The following TENT2 variants were observed in gnomAD, a reference collection of about 807,000 sequenced individuals.
TENT2 encodes poly(A) RNA polymerase GLD2.
A neutral mutation model predicts 72.2 loss-of-function variants in TENT2; 44 were observed. That is an observed-to-expected ratio of 0.61 (90% confidence interval 0.48 to 0.78). The LOEUF (loss-of-function observed/expected upper bound fraction) is 0.78, where lower values mean the gene tolerates loss of function less well. Among genes scored for constraint, TENT2 ranks in the 30% least tolerant of loss-of-function variants. The pLI is 0.00. For missense variants in TENT2, 541 were observed against 569.6 expected, an observed-to-expected ratio of 0.95 and a Z score of 0.51; for synonymous variants, 212 against 192.5, an observed-to-expected ratio of 1.10 and a Z score of -0.84.
chr5:79,666,802 C>T (rs1808471370), intron 11 of TENT2, among the ~76,000 whole-genome samples: 1 of 152,076 alleles, frequency 6.6e-6, no homozygotes, highest in Non-Finnish European at 1.5e-5. Context: ...CTTAATTGTC[C>T]AAAGATTGAT....
chr5:79,676,818 AATTATT>A, intron 12 of TENT2, among the ~76,000 whole-genome samples: 1 of 152,102 alleles, frequency 6.6e-6, no homozygotes, highest in East Asian at 1.9e-4. Context: ...TTTACACTTT[AATTATT>A]GAGTGACGAT....
At chr5:79,659,593 T>TATATATAA (rs1348206904) in intron 11 of TENT2, among the ~76,000 whole-genome samples, 7 of 121,848 alleles carry the variant, frequency 5.7e-5, no homozygotes, top group Non-Finnish European at 1.0e-4. Context: ...TATATATATA[T>TATATATAA]AATAGCCATC....
chr5:79,667,907 T>C lies in TENT2; in HGVS notation c.1072-985T>C, dbSNP rs970138742. Among the ~76,000 whole-genome samples, 26 of 151,578 alleles carry C rather than the reference T, an allele frequency of 1.7e-4. No individual in the cohort carries two copies. In the South Asian group the frequency reaches 2.5e-3, roughly 15 times the overall value. ...GGGTTTGGAATCTTAACCGTAGTTG[T>C]CATTCTGCTGCCTTAACTAATTGCT... On this transcript the variant is annotated intron_variant, in intron 11 of 14. Transcript: ENST00000453514.
chr5:79,637,817 T>C (rs1781327458), intron 4 of TENT2, among the ~76,000 whole-genome samples: 1 of 142,584 alleles, frequency 7.0e-6, no homozygotes, highest in Non-Finnish European at 1.5e-5. Flanking sequence ...TTTTTTTTTG[T>C]GACGGAGTCG....
intron 8 of TENT2, among the ~76,000 whole-genome samples, chr5:79,645,473 T>C (rs1056644494): frequency 3.3e-5 from 5 of 152,128 alleles, no homozygotes; most frequent in Admixed American, 2.0e-4. Flanking sequence ...TCTTGCCTTT[T>C]GGAAGTGTAA....
At chr5:79,649,037 T>C (rs1325312754) in intron 9 of TENT2, 25 bp from the exon 10 acceptor site, 4 of 1,609,078 alleles carry the variant, frequency 2.5e-6, no homozygotes, top group Non-Finnish European at 3.4e-6. Context: ...TCTCTTACCA[T>C]GTTAAGTTTT....
intron 11 of TENT2, among the ~76,000 whole-genome samples, chr5:79,662,816 C>T (rs1435554949): frequency 6.6e-6 from 1 of 152,180 alleles, no homozygotes; most frequent in Non-Finnish European, 1.5e-5. Flanking sequence ...GCTGCATTAG[C>T]CCCTAACAAG....
At chr5:79,648,005 A>G (rs573766867) in intron 8 of TENT2, among the ~76,000 whole-genome samples, 8 of 152,284 alleles carry the variant, frequency 5.3e-5, no homozygotes, top group Admixed American at 5.2e-4. Flanking sequence ...TTTCCCCTGT[A>G]TTTAATTTGG....
chr5:79,673,483 AG>A (rs1814651920), intron 12 of TENT2, among the ~76,000 whole-genome samples: 1 of 152,072 alleles, frequency 6.6e-6, no homozygotes, highest in Non-Finnish European at 1.5e-5. Context: ...GTCAAGAGAT[AG>A]GGTTCTAGTT....
intron 4 of TENT2, among the ~76,000 whole-genome samples, chr5:79,637,841 A>C (rs1354527074): frequency 1.6e-5 from 2 of 126,604 alleles, no homozygotes; most frequent in Admixed American, 1.9e-4. Context: ...TTTGTCACCC[A>C]GGCTAGAGTG....
At chr5:79,634,249 A>AT (rs1231246468) in intron 4 of TENT2, among the ~76,000 whole-genome samples, 1 of 151,890 alleles carries the variant, frequency 6.6e-6, no homozygotes, top group Non-Finnish European at 1.5e-5. Context: ...TTTTATTGGT[A>AT]TTTAATTTGA....
chr5:79,684,713 G>C (rs1825250095), intron 14 of TENT2, among the ~76,000 whole-genome samples: 1 of 152,140 alleles, frequency 6.6e-6, no homozygotes, highest in South Asian at 2.1e-4. Context: ...AATATTGTCA[G>C]TTGTATCTTT....
At chr5:79,672,634 G>A (rs1813814620) in intron 12 of TENT2, among the ~76,000 whole-genome samples, 1 of 152,170 alleles carries the variant, frequency 6.6e-6, no homozygotes, top group Admixed American at 6.5e-5. Context: ...GCAAATGAGA[G>A]GATCTCATTC....
chr5:79,651,831 A>C (rs963909594), intron 10 of TENT2, among the ~76,000 whole-genome samples: 1 of 151,976 alleles, frequency 6.6e-6, no homozygotes, highest in Non-Finnish European at 1.5e-5. Context: ...TAGTGTGTCA[A>C]CCTTGTCCGT....
At chr5:79,661,892 A>C (rs1344970519) in intron 11 of TENT2, among the ~76,000 whole-genome samples, 1 of 152,194 alleles carries the variant, frequency 6.6e-6, no homozygotes. Context: ...CGTCCTTTAA[A>C]ATTGAAGTCA....
At chr5:79,617,395 T>C (rs898665497) in intron 1 of TENT2, 1 of 152,042 alleles carries the variant, frequency 6.6e-6, no homozygotes, top group Non-Finnish European at 1.5e-5. Context: ...ACCTATTGAG[T>C]GTTTTTTTCT....
chr5:79,685,355 T>G lies in TENT2; in HGVS notation c.*82T>G. ...TAATACATTATGTTTACCTCCATCA[T>G]AGTTGCTTTTTTCATAGTTCTTGTT... is the stretch of plus-strand genomic sequence containing the variant. On this transcript the variant is annotated 3_prime_UTR_variant, in exon 15 of 15. Transcript: ENST00000453514. The G allele has an allele frequency of 1.0e-6, 1 of 995,336 alleles. No homozygotes were observed. Among genetic ancestry groups the G allele is most frequent in the Non-Finnish European group, 1.4e-6 (1 of 690,538 alleles). The allele number at this position is 995,336 out of a possible 1,614,324, so 61.7% of individuals were successfully genotyped here. A position where few individuals can be genotyped will look rare whatever the true frequency, so the allele number is the denominator to read the frequency against.
At position 79,642,830 on chromosome 5, in the gene TENT2, A is replaced by G. The variant is rs774946578; in HGVS notation, c.673-2A>G. On this transcript the variant is annotated splice_acceptor_variant, in intron 6 of 14. Coordinates refer to ENST00000453514, the MANE Select transcript of TENT2 (RefSeq NM_001114394.3). LOFTEE classifies it high-confidence loss of function. Reference sequence around the variant, plus strand: ...AAAAACACTTTATTTTTAACTTTTCAGTGTTTTTTTCAGGTAAATCAGAAG... The same window carrying G: ...AAAAACACTTTATTTTTAACTTTTCGGTGTTTTTTTCAGGTAAATCAGAAG... The G allele has an allele frequency of 3.7e-6, 6 of 1,606,478 alleles. No individual in the cohort carries two copies. Among genetic ancestry groups the G allele is most frequent in the Non-Finnish European group, 5.1e-6 (6 of 1,176,186 alleles).
At chr5:79,676,597 A>G (rs1300458014) in intron 12 of TENT2, among the ~76,000 whole-genome samples, 1 of 152,114 alleles carries the variant, frequency 6.6e-6, no homozygotes, top group Non-Finnish European at 1.5e-5. Context: ...ATAAATAAAT[A>G]AAAAGAATGG....
Sources: allele counts gnomAD v4.1 joint callset (sites outside exome capture counted in the v4.1 genomes callset), GRCh38; gene constraint gnomAD v4.1.1; transcripts MANE v1.5; gene names NCBI Gene and HGNC (gene_info 2026-07-23, HGNC 2026-07-21).